Variants in SLC25A23 observed in about 807,000 individuals in gnomAD.
SLC25A23 encodes the protein mitochondrial adenyl nucleotide antiporter SLC25A23.
A neutral mutation model predicts 53.9 loss-of-function variants in SLC25A23; 32 were observed. That is an observed-to-expected ratio of 0.59 (90% CI 0.45 to 0.80). The LOEUF (loss-of-function observed/expected upper bound fraction) is 0.80. Ranked by LOEUF, SLC25A23 falls within the 30% of genes least tolerant of loss-of-function variation. The probability of loss-of-function intolerance (pLI) is 0.00; values close to 1 mark genes in which losing one functional copy is unlikely to be tolerated. For missense variants in SLC25A23, 575 were observed against 651.4 expected (o/e 0.88, Z 1.28); for synonymous variants, 275 against 264.5 (o/e 1.04, Z -0.38).
In SLC25A23 at chr19:6,444,175, C is replaced by G. The variant is rs537848731; in HGVS notation, c.1198G>C (p.Val400Leu). 1 of 1,594,932 alleles carries G rather than the reference C, an allele frequency of 6.3e-7. No individual in the cohort carries two copies. The highest frequency in any genetic ancestry group is 2.3e-5 in the East Asian group (1 of 44,278). Reference sequence around the variant, plus strand: ...CCTTGTGCCTGCATGCGGGTCCGGACCAGGGCCAGCGGGTAACTGGCTATC... The same window carrying G: ...CCTTGTGCCTGCATGCGGGTCCGGAGCAGGGCCAGCGGGTAACTGGCTATC... ...GQIASYPLALVRTRMQAQASI... is the reference protein window; with the variant it reads ...GQIASYPLALLRTRMQAQASI... Residue 400 changes from valine to leucine, a missense_variant, in exon 9 of 10, where the codon GTC (valine) becomes CTC (leucine). Physicochemically the swap from Val to Leu is conservative, Grantham distance 32 (BLOSUM62 1). Transcript: ENST00000301454.
At chr19:6,458,129 C>G in intron 2 of SLC25A23, 69 bp downstream of exon 2, 2 of 1,568,670 alleles carry the variant, frequency 1.3e-6, no homozygotes, top group Non-Finnish European at 1.7e-6. Flanking sequence ...CAGTTCTAAC[C>G]CCACTGATGT....
chr19:6,444,007 C>T (rs1336653187), intron 9 of SLC25A23, 144 bp downstream of exon 9: 18 of 851,648 alleles, frequency 2.1e-5, no homozygotes, highest in Non-Finnish European at 1.7e-5. Context: ...AAAGGACTCC[C>T]ATTTCAATGT....
At position 6,454,200 on chromosome 19, in the gene SLC25A23, GGA is replaced by G; in HGVS notation, c.796-114_796-113del. On this transcript the variant is annotated intron_variant, in intron 6 of 9. Coordinates refer to ENST00000301454, the MANE Select transcript of SLC25A23 (RefSeq NM_024103.3). This position sits in a 1 kb window ranked among gnomAD's most constrained non-coding sequence, Gnocchi z 4.3. ...GGCTTGCTGCAGGCATTCATGCAGAGGAGCAGATGCCTGATCCTGGGGACCTG... is the reference window on the plus strand; with the variant it reads ...GGCTTGCTGCAGGCATTCATGCAGAGGCAGATGCCTGATCCTGGGGACCTG... The G allele has an allele frequency of 4.6e-6, 7 of 1,506,816 alleles. No homozygotes were observed. In the African/African-American group the frequency reaches 6.9e-5, roughly 15 times the overall value. 93.3% of individuals were successfully genotyped at this position (1,506,816 alleles called of 1,614,324 possible).
chr19:6,439,361 C>T (rs2092379256), downstream of SLC25A23, among the ~76,000 whole-genome samples: 1 of 150,344 alleles, frequency 6.7e-6, no homozygotes, highest in Admixed American at 6.7e-5. Context: ...TACCCTCTAA[C>T]CTGGGCTGCA....
rs764208908 is a variant in SLC25A23, at chr19:6,454,446, G to A, written c.672C>T (p.Asn224=). 1.2e-6 allele frequency: 2 copies of A among 1,614,150 alleles called. No homozygotes were observed. Among genetic ancestry groups the A allele is most frequent in the Non-Finnish European group, 8.5e-7 (1 of 1,180,026 alleles). ...QVHASKTNRL[N]ILGGLRSMVL... ...CCATGCTTCGAAGCCCCCCAAGGAT[G>A]TTCAGCCGGTTGGTCTTTGAGGCAT... Residue 224 remains asparagine (N), a synonymous_variant, in exon 6 of 10, where the codon AAC becomes AAT. Transcript: ENST00000301454. This position sits in a 1 kb window ranked among gnomAD's most constrained non-coding sequence, Gnocchi z 4.3.
chr19:6,444,467 C>T lies in SLC25A23; in HGVS notation c.1072-166G>A, dbSNP rs143829400. Among the ~76,000 whole-genome samples the T allele has an allele frequency of 3.6e-3, 550 of 152,246 alleles. 16 individuals are homozygous for T. Among genetic ancestry groups the T allele is most frequent in the Admixed American group, 0.031 (471 of 15,270 alleles). ...TTTCCCTGCGTCCCCTCACCCAGTC[C>T]TCATCTGGACCCTCTCTGGTAGGTG... On this transcript the variant is annotated intron_variant, in intron 8 of 9. Transcript: ENST00000301454.
In SLC25A23 at chr19:6,454,712, C is replaced by T. The variant is rs757861732; in HGVS notation, c.489G>A (p.Leu163=). 1 of 1,613,836 alleles carries T rather than the reference C, an allele frequency of 6.2e-7. No homozygotes were observed. Among genetic ancestry groups the T allele is most frequent in the African/African-American group, 1.3e-5 (1 of 75,064 alleles). ...GCACTGTCAGGCACTCGCCAATGTC[C>T]AGGACCTAAAGATACAGGTGTTGGG... The part of the protein sequence containing the change: ...VLYFWKHSTV[L]DIGECLTVPD... Residue 163 remains leucine (L), a synonymous_variant, in exon 5 of 10, where the codon CTG becomes CTA. Transcript: ENST00000301454. The surrounding 1 kb of genome is among the most constrained non-coding windows in gnomAD (Gnocchi z 4.3).
In SLC25A23 at chr19:6,454,850, C is replaced by G. The variant is rs1385233535; in HGVS notation, c.484-133G>C. On this transcript the variant is annotated intron_variant, in intron 4 of 9. Coordinates refer to ENST00000301454, the MANE Select transcript of SLC25A23 (RefSeq NM_024103.3). This position sits in a 1 kb window ranked among gnomAD's most constrained non-coding sequence, Gnocchi z 4.3. ...TGCCAATGACTCTTGCTTGGAGACC[C>G]CAGAAGAGTCCTGTTGGGTCCTACC... is the stretch of plus-strand genomic sequence containing the variant. The G allele has an allele frequency of 9.5e-7, 1 of 1,049,194 alleles. No individual in the cohort carries two copies. The highest frequency in any genetic ancestry group is 2.7e-5 in the Admixed American group (1 of 37,438). 65.0% of individuals were successfully genotyped at this position (1,049,194 alleles called of 1,614,324 possible).
chr19:6,454,227 G>C lies in SLC25A23; in HGVS notation c.795+96C>G, dbSNP rs1268445918. 1.3e-6 allele frequency: 2 copies of C among 1,531,372 alleles called. No individual in the cohort carries two copies. Among genetic ancestry groups the C allele is most frequent in the African/African-American group, 2.7e-5 (2 of 72,948 alleles). The allele number at this position is 1,531,372 out of a possible 1,614,324, so 94.9% of individuals were successfully genotyped here. On this transcript the variant is annotated intron_variant, in intron 6 of 9. Transcript: ENST00000301454. The surrounding 1 kb of genome is among the most constrained non-coding windows in gnomAD (Gnocchi z 4.3). ...AGCAGATGCCTGATCCTGGGGACCT[G>C]TGTTCACCACCCACCCCCAAGCCAA...
intron 8 of SLC25A23, among the ~76,000 whole-genome samples, chr19:6,449,102 AC>A (rs1328641224): frequency 6.6e-6 from 1 of 152,016 alleles, no homozygotes. Flanking sequence ...AAGTTAAATC[AC>A]TTTACTGAGA....
At chr19:6,444,382 T>C in intron 8 of SLC25A23, 81 bp from the exon 9 acceptor site, 1 of 1,443,144 alleles carries the variant, frequency 6.9e-7, no homozygotes. Flanking sequence ...GCCGGTTCTG[T>C]ATCCCATGAC....
At chr19:6,457,763 T>G (rs2092701541) in intron 2 of SLC25A23, among the ~76,000 whole-genome samples, 173 bp from the exon 3 acceptor site, 1 of 151,154 alleles carries the variant, frequency 6.6e-6, no homozygotes, top group Non-Finnish European at 1.5e-5. Context: ...CTCACTGGGG[T>G]CAGAGAGGTG....
intron 4 of SLC25A23, 102 bp downstream of exon 4, chr19:6,456,318 A>G (rs2092681702): frequency 2.5e-6 from 3 of 1,197,632 alleles, no homozygotes; most frequent in South Asian, 2.7e-5. Flanking sequence ...CTCCTTCTGG[A>G]AAGTCCTGGT....
chr19:6,454,964 T>G lies in SLC25A23; in HGVS notation c.484-247A>C, dbSNP rs2092656598. On this transcript the variant is annotated intron_variant, in intron 4 of 9. Transcript: ENST00000301454. The surrounding 1 kb of genome is among the most constrained non-coding windows in gnomAD (Gnocchi z 4.3). The stretch of plus-strand genomic sequence containing the variant: ...CACCAAAGGATCTGCCAAATCCCAC[T>G]AAAGGATCCTATTCAAGTATCTGCC... Among the ~76,000 whole-genome samples, 1 of 152,094 alleles carries G rather than the reference T, an allele frequency of 6.6e-6. No individual in the cohort carries two copies. Among genetic ancestry groups the G allele is most frequent in the Non-Finnish European group, 1.5e-5 (1 of 68,008 alleles).
Position 6,454,323 on chromosome 19 carries a change from C to T in SLC25A23, c.795G>A (p.Gln265=). ...CATTCCTCCCTGTACCTGCCCTCAC[C>T]TGTTCATAGGCCATGAACTTGATAG... The part of the protein sequence containing the change: ...ESAIKFMAYE[Q]IKRAILGQQE... The change falls in exon 6 of 10, where the codon CAG becomes CAA. Residue 265 remains glutamine (Q), a splice_region_variant and synonymous_variant. Coordinates refer to ENST00000301454, the MANE Select transcript of SLC25A23 (RefSeq NM_024103.3). The surrounding 1 kb of genome is among the most constrained non-coding windows in gnomAD (Gnocchi z 4.3). 6.2e-7 allele frequency: 1 copy of T among 1,613,374 alleles called. No homozygotes were observed. The highest frequency in any genetic ancestry group is 8.5e-7 in the Non-Finnish European group (1 of 1,179,526).
intron 7 of SLC25A23, among the ~76,000 whole-genome samples, chr19:6,453,220 CTT>C (rs2092619100): frequency 6.7e-6 from 1 of 148,676 alleles, no homozygotes; most frequent in Non-Finnish European, 1.5e-5. Context: ...CATCTGTAGA[CTT>C]TGTTGATGTG....
At chr19:6,456,575 G>A in intron 3 of SLC25A23, 44 bp from the exon 4 acceptor site, 1 of 1,510,068 alleles carries the variant, frequency 6.6e-7, no homozygotes, top group Non-Finnish European at 9.2e-7. Context: ...TTCAGTGCCT[G>A]GGGGTGGGCT....
intron 8 of SLC25A23, 106 bp downstream of exon 8, chr19:6,452,206 C>T: frequency 6.8e-7 from 1 of 1,469,662 alleles, no homozygotes; most frequent in Non-Finnish European, 9.1e-7. Flanking sequence ...CTGCCTTTCT[C>T]TAACTATAGC....
Position 6,454,197 on chromosome 19 carries a change from A to AGAGGAGCAGATGCCTGATCCTGGG in SLC25A23, c.795+102_796-110dup. On this transcript the variant is annotated intron_variant, in intron 6 of 9. Transcript: ENST00000301454. The surrounding 1 kb of genome is among the most constrained non-coding windows in gnomAD (Gnocchi z 4.3). ...ACTGGCTTGCTGCAGGCATTCATGC[A>AGAGGAGCAGATGCCTGATCCTGGG]GAGGAGCAGATGCCTGATCCTGGGG... 1 of 1,501,686 alleles carries AGAGGAGCAGATGCCTGATCCTGGG rather than the reference A, an allele frequency of 6.7e-7. No individual in the cohort carries two copies. Among genetic ancestry groups the AGAGGAGCAGATGCCTGATCCTGGG allele is most frequent in the Non-Finnish European group, 9.0e-7 (1 of 1,105,024 alleles). 93.0% of individuals were successfully genotyped at this position (1,501,686 alleles called of 1,614,324 possible). A position where few individuals can be genotyped will look rare whatever the true frequency, so the allele number is the denominator to read the frequency against.
Sources: gnomAD v4.1 joint callset for allele counts (sites outside exome capture counted in the v4.1 genomes callset) on GRCh38, gnomAD v4.1.1 for gene constraint, Gnocchi (gnomAD v3.1) non-coding constraint, MANE v1.5 for transcripts, NCBI Gene and HGNC (gene_info 2026-07-23, HGNC 2026-07-21) for gene names.